The following PRKCB variants were observed in gnomAD, a reference collection of about 807,000 sequenced individuals.
PRKCB encodes the protein protein kinase C beta type.
In PRKCB, 13 loss-of-function variants were observed where a neutral mutation model predicts 81.5. The observed-to-expected ratio is 0.16, with a 90% CI of 0.10 to 0.25. The LOEUF is 0.25. Ranked by LOEUF, PRKCB falls within the 10% of genes least tolerant of loss-of-function variation. The pLI, the probability that PRKCB is intolerant of heterozygous loss-of-function variation, is 1.00. For synonymous variants in PRKCB, 335 were observed against 321.4 expected, an observed-to-expected ratio of 1.04 and a Z score of -0.45; for missense variants, 509 against 875.7, an observed-to-expected ratio of 0.58 and a Z score of 5.29.
intron 9 of PRKCB, among the ~76,000 whole-genome samples, chr16:24,128,289 C>T (rs1209731591): frequency 2.0e-5 from 3 of 152,102 alleles, no homozygotes; most frequent in Non-Finnish European, 4.4e-5. Flanking sequence ...GCAGGAGAAT[C>T]GCTTGAACCG....
At chr16:24,167,437 G>A (rs1967364634) in intron 10 of PRKCB, among the ~76,000 whole-genome samples, 1 of 152,138 alleles carries the variant, frequency 6.6e-6, no homozygotes, top group South Asian at 2.1e-4. Flanking sequence ...GTGTGAACCT[G>A]TAGTCCCAGC....
intron 2 of PRKCB, among the ~76,000 whole-genome samples, chr16:23,857,748 G>A (rs752055409): frequency 2.6e-5 from 4 of 152,102 alleles, no homozygotes; most frequent in Admixed American, 6.6e-5. Flanking sequence ...GTGTGCGCAC[G>A]TGCGTCTGCA....
intron 5 of PRKCB, among the ~76,000 whole-genome samples, chr16:24,041,502 G>T (rs1175632493): frequency 2.0e-5 from 3 of 151,298 alleles, no homozygotes; most frequent in African/African-American, 7.3e-5. Context: ...AGTTGGGAGT[G>T]TTCTTAAAGA....
At chr16:24,014,234 C>G (rs902414316) in intron 3 of PRKCB, among the ~76,000 whole-genome samples, 1 of 152,136 alleles carries the variant, frequency 6.6e-6, no homozygotes, top group East Asian at 1.9e-4. Context: ...GGTGCTCAGA[C>G]CACTTCCCTT....
Position 24,016,107 on chromosome 16 carries a change from C to T in PRKCB, c.289-16029C>T, listed in dbSNP as rs1421256895. On this transcript the variant is annotated intron_variant, in intron 3 of 16. Coordinates refer to ENST00000643927, the MANE Select transcript of PRKCB (RefSeq NM_002738.7). ...ATTGTTATCCCCTAGGGATAACTACCGCTAGGGTTATTATCCTAGCTCCCC... is the reference window on the plus strand; with the variant it reads ...ATTGTTATCCCCTAGGGATAACTACTGCTAGGGTTATTATCCTAGCTCCCC... Among the ~76,000 whole-genome samples the T allele has an allele frequency of 9.9e-5, 15 of 152,162 alleles. No individual in the cohort carries two copies. In the East Asian group the frequency reaches 1.9e-3, roughly 20 times the overall value.
At chr16:24,074,017 A>T (rs1966147671) in intron 5 of PRKCB, among the ~76,000 whole-genome samples, 1 of 151,976 alleles carries the variant, frequency 6.6e-6, no homozygotes, top group Non-Finnish European at 1.5e-5. Context: ...CGCCTGTAGT[A>T]CCAGCTGCTG....
At chr16:24,025,300 G>A (rs972446781) in intron 3 of PRKCB, among the ~76,000 whole-genome samples, 1 of 152,190 alleles carries the variant, frequency 6.6e-6, no homozygotes, top group Non-Finnish European at 1.5e-5. Flanking sequence ...TGCTTGCCAC[G>A]GGCAAAACAC....
intron 7 of PRKCB, among the ~76,000 whole-genome samples, chr16:24,108,286 T>A (rs886294048): frequency 6.8e-6 from 1 of 147,078 alleles, no homozygotes. Flanking sequence ...TTTATTTATT[T>A]TTTTTATTAT....
intron 3 of PRKCB, among the ~76,000 whole-genome samples, chr16:23,999,637 G>C (rs1400324560): frequency 6.6e-6 from 1 of 152,194 alleles, no homozygotes; most frequent in East Asian, 1.9e-4. Flanking sequence ...CAATTCATCT[G>C]TCTCTTGTAC....
intron 9 of PRKCB, among the ~76,000 whole-genome samples, chr16:24,134,879 C>A (rs1966859816): frequency 6.6e-6 from 1 of 152,070 alleles, no homozygotes; most frequent in Non-Finnish European, 1.5e-5. Flanking sequence ...CCATTGCACT[C>A]CAGCCTGGAC....
At chr16:24,023,153 T>C (rs1965428152) in intron 3 of PRKCB, among the ~76,000 whole-genome samples, 1 of 151,976 alleles carries the variant, frequency 6.6e-6, no homozygotes, top group African/African-American at 2.4e-5. Context: ...CTTGAATTCC[T>C]GGGCTCAAGC....
At chr16:24,033,458 C>A (rs1327459262) in intron 4 of PRKCB, among the ~76,000 whole-genome samples, 1 of 152,040 alleles carries the variant, frequency 6.6e-6, no homozygotes. Flanking sequence ...GAGGGACAGG[C>A]AGACACACAG....
chr16:23,974,872 G>T lies in PRKCB; in HGVS notation c.206-13636G>T, dbSNP rs377261244. On this transcript the variant is annotated intron_variant, in intron 2 of 16. Transcript: ENST00000643927. ...ATGACCTTCACAGGGTGACACCATC[G>T]GGAGGAATCAGCTCCAGCTGTTTTC... Among the ~76,000 whole-genome samples, 157 of 152,244 alleles carry T rather than the reference G, an allele frequency of 1.0e-3. 5 individuals are homozygous for T. The South Asian group carries it at 0.031, about 30-fold the overall frequency.
intron 3 of PRKCB, among the ~76,000 whole-genome samples, chr16:23,995,477 A>G (rs1412471054): frequency 6.6e-6 from 1 of 152,200 alleles, no homozygotes; most frequent in Non-Finnish European, 1.5e-5. Context: ...GTCCTGCCAT[A>G]ATCCACAGAT....
chr16:23,867,356 A>C (rs1962825488), intron 2 of PRKCB, among the ~76,000 whole-genome samples: 1 of 152,152 alleles, frequency 6.6e-6, no homozygotes, highest in African/African-American at 2.4e-5. Flanking sequence ...TCCTGACCTC[A>C]GGTGATCCAC....
intron 11 of PRKCB, among the ~76,000 whole-genome samples, chr16:24,174,017 G>T (rs921291678): frequency 4.6e-5 from 7 of 151,490 alleles, no homozygotes; most frequent in African/African-American, 7.3e-5. Context: ...TCTCTTTTTT[G>T]GGGGGGTGGG....
At chr16:24,017,296 G>A (rs541484398) in intron 3 of PRKCB, among the ~76,000 whole-genome samples, 1 of 152,338 alleles carries the variant, frequency 6.6e-6, no homozygotes, top group East Asian at 1.9e-4. Context: ...TACATTTGCT[G>A]TCTAAACATT....
Position 24,159,287 on chromosome 16 carries a change from TG to T in PRKCB, c.1239+4432del, listed in dbSNP as rs532206352. Among the ~76,000 whole-genome samples, 181 of 152,334 alleles carry T rather than the reference TG, an allele frequency of 1.2e-3. 1 individual carries two copies. Among genetic ancestry groups the T allele is most frequent in the Non-Finnish European group, 2.2e-3 (149 of 68,020 alleles). On this transcript the variant is annotated intron_variant, in intron 10 of 16. Transcript: ENST00000643927. ...GAAAGGATTGAGAATCAGGGCTGCATGGTAGTTCTTCCTCGACACAGCACTG... is the reference window on the plus strand; with the variant it reads ...GAAAGGATTGAGAATCAGGGCTGCATGTAGTTCTTCCTCGACACAGCACTG...
At chr16:23,898,274 C>T (rs1393472651) in intron 2 of PRKCB, among the ~76,000 whole-genome samples, 1 of 152,060 alleles carries the variant, frequency 6.6e-6, no homozygotes, top group African/African-American at 2.4e-5. Flanking sequence ...ACCTTGTTAG[C>T]CAGGATGGTC....
Sources: gnomAD v4.1 joint callset for allele counts (sites outside exome capture counted in the v4.1 genomes callset) on GRCh38, gnomAD v4.1.1 for gene constraint, MANE v1.5 for transcripts, NCBI Gene and HGNC (gene_info 2026-07-23, HGNC 2026-07-21) for gene names.